The following P4HA1 variants were observed in gnomAD, a reference collection of about 807,000 sequenced individuals.
P4HA1 encodes prolyl 4-hydroxylase subunit alpha 1, also known as prolyl 4-hydroxylase subunit alpha-1.
In P4HA1, 24 loss-of-function variants were observed where a neutral mutation model predicts 72.8. The observed-to-expected ratio is 0.33, with a 90% confidence interval of 0.24 to 0.46. The LOEUF (loss-of-function observed/expected upper bound fraction) is 0.46. P4HA1 is among the 20% of genes least tolerant of loss of function. P4HA1 has a pLI of 1.00. For synonymous variants in P4HA1, 201 were observed against 218.8 expected, an observed-to-expected ratio of 0.92 and a Z score of 0.72; for missense variants, 446 against 640.6, an observed-to-expected ratio of 0.70 and a Z score of 3.28.
intron 1 of P4HA1, among the ~76,000 whole-genome samples, chr10:73,093,225 T>C (rs1236581751): frequency 6.6e-6 from 1 of 151,588 alleles, no homozygotes; most frequent in Admixed American, 6.6e-5. Flanking sequence ...TATGAAACAC[T>C]AAACATGAGG....
chr10:73,039,392 T>C (rs57918784), intron 9 of P4HA1, among the ~76,000 whole-genome samples: 24,209 of 152,110 alleles, frequency 0.16, 3,212 homozygotes, highest in African/African-American at 0.34. Flanking sequence ...CTGCAAGCTC[T>C]GCCTCCTGGG....
At chr10:73,062,808 G>A (rs769105043) in intron 5 of P4HA1, among the ~76,000 whole-genome samples, 2 of 152,182 alleles carry the variant, frequency 1.3e-5, no homozygotes, top group Admixed American at 6.5e-5. Context: ...GGCACGTTTT[G>A]CTAGTGATCA....
chr10:73,091,415 C>T (rs1015273217), intron 1 of P4HA1, among the ~76,000 whole-genome samples: 3 of 152,122 alleles, frequency 2.0e-5, no homozygotes, highest in Admixed American at 6.6e-5. Flanking sequence ...GATCTTCCCA[C>T]CTCAGCCTCC....
At chr10:73,033,850 C>G (rs1306525946) in intron 9 of P4HA1, among the ~76,000 whole-genome samples, 1 of 152,168 alleles carries the variant, frequency 6.6e-6, no homozygotes, top group Non-Finnish European at 1.5e-5. Flanking sequence ...ATCAAAAGTA[C>G]AGGCAACAAA....
chr10:73,055,027 C>T (rs1032631440), intron 5 of P4HA1, among the ~76,000 whole-genome samples: 5 of 152,006 alleles, frequency 3.3e-5, no homozygotes, highest in South Asian at 2.1e-4. Flanking sequence ...GAGTTTGAGA[C>T]GAACCTGGAC....
At chr10:73,076,808 A>G (rs1841707012) in intron 1 of P4HA1, among the ~76,000 whole-genome samples, 1 of 152,158 alleles carries the variant, frequency 6.6e-6, no homozygotes, top group African/African-American at 2.4e-5. Context: ...TGACTTGTCA[A>G]CCTGTTTCTC....
intron 10 of P4HA1, among the ~76,000 whole-genome samples, chr10:73,018,992 C>T (rs1362233739): frequency 6.6e-6 from 1 of 152,092 alleles, no homozygotes; most frequent in Non-Finnish European, 1.5e-5. Flanking sequence ...ACGCTTGCAC[C>T]TGGATTGCAG....
At chr10:73,045,804 C>G (rs530148252) in intron 8 of P4HA1, among the ~76,000 whole-genome samples, 5 of 151,292 alleles carry the variant, frequency 3.3e-5, no homozygotes, top group African/African-American at 1.2e-4. Flanking sequence ...GAATTAATTA[C>G]CTTGGATGGC....
At chr10:73,037,555 ATATATATATATATATATTTTTT>A (rs1840616960) in intron 9 of P4HA1, among the ~76,000 whole-genome samples, 1 of 32,812 alleles carries the variant, frequency 3.0e-5, no homozygotes, top group African/African-American at 1.2e-4. Context: ...ATATATATAT[ATATATATATATATATATTTTTT>A]TTTTTTTTTT....
intron 1 of P4HA1, among the ~76,000 whole-genome samples, chr10:73,075,559 A>G (rs1417701633): frequency 1.3e-5 from 2 of 152,174 alleles, no homozygotes; most frequent in African/African-American, 4.8e-5. Context: ...TCTGTGATTT[A>G]GACCTATCCT....
chr10:73,074,495 C>CA (rs910792737), intron 2 of P4HA1, among the ~76,000 whole-genome samples: 23 of 149,556 alleles, frequency 1.5e-4, no homozygotes, highest in Non-Finnish European at 1.8e-4. Flanking sequence ...GTTATAAATA[C>CA]AAAAAAAAAC....
chr10:73,043,612 C>T (rs1201156614), intron 9 of P4HA1, among the ~76,000 whole-genome samples: 1 of 152,154 alleles, frequency 6.6e-6, no homozygotes. Context: ...AATTTGGGAA[C>T]TTCTCTTAGT....
intron 5 of P4HA1, among the ~76,000 whole-genome samples, chr10:73,058,379 C>T (rs567520501): frequency 6.6e-6 from 1 of 152,252 alleles, no homozygotes; most frequent in Non-Finnish European, 1.5e-5. Flanking sequence ...GGAACATGTA[C>T]CCACTATAAA....
intron 12 of P4HA1, 152 bp downstream of exon 12, chr10:73,014,072 C>T: frequency 1.7e-6 from 1 of 590,886 alleles, no homozygotes; most frequent in Non-Finnish European, 3.0e-6. Context: ...GAAAAAGTTG[C>T]AAGTGCAAAA....
intron 10 of P4HA1, among the ~76,000 whole-genome samples, chr10:73,025,033 C>T (rs1265690729): frequency 6.6e-6 from 1 of 152,192 alleles, no homozygotes; most frequent in African/African-American, 2.4e-5. Flanking sequence ...GATGGATTCA[C>T]AGCCGAATTC....
chr10:73,067,892 T>C (rs1463485993), intron 5 of P4HA1, among the ~76,000 whole-genome samples: 2 of 152,198 alleles, frequency 1.3e-5, no homozygotes. Context: ...GCGAGGGTAG[T>C]GTATGTCTTG....
At chr10:73,085,571 C>T (rs757318378) in intron 1 of P4HA1, among the ~76,000 whole-genome samples, 4 of 151,952 alleles carry the variant, frequency 2.6e-5, no homozygotes, top group Non-Finnish European at 5.9e-5. Context: ...TTAGCAGAGA[C>T]GGAGTTTCTC....
At chr10:73,091,931 C>A (rs912742394) in intron 1 of P4HA1, among the ~76,000 whole-genome samples, 4 of 152,182 alleles carry the variant, frequency 2.6e-5, no homozygotes, top group Non-Finnish European at 5.9e-5. Context: ...CTTTAGCAGT[C>A]CCTTTCCTCC....
intron 10 of P4HA1, among the ~76,000 whole-genome samples, chr10:73,021,783 G>A (rs1276897528): frequency 6.6e-6 from 1 of 152,206 alleles, no homozygotes; most frequent in Non-Finnish European, 1.5e-5. Context: ...GGACAATCCT[G>A]CCCACATACT....
Sources: allele counts gnomAD v4.1 joint callset (sites outside exome capture counted in the v4.1 genomes callset), GRCh38; gene constraint gnomAD v4.1.1; transcripts MANE v1.5; gene names NCBI Gene and HGNC (gene_info 2026-07-23, HGNC 2026-07-21).